The following MAP4 variants were observed in gnomAD, a reference collection of about 807,000 sequenced individuals.
MAP4 encodes microtubule associated protein 4.
A neutral mutation model predicts 170.2 loss-of-function variants in MAP4; 76 were observed. That is an observed-to-expected ratio of 0.45 (90% CI 0.37 to 0.54). The LOEUF (loss-of-function observed/expected upper bound fraction) is 0.54. Among genes scored for constraint, MAP4 ranks in the 20% least tolerant of loss-of-function variants. The pLI, the probability that MAP4 is intolerant of heterozygous loss-of-function variation, is 0.00. For synonymous variants in MAP4, 909 were observed against 994.5 expected, an observed-to-expected ratio of 0.91 and a Z score of 1.62; for missense variants, 2,506 against 2,748.0, an observed-to-expected ratio of 0.91 and a Z score of 1.97.
chr3:48,049,729 G>C (rs1233606013), intron 1 of MAP4, among the ~76,000 whole-genome samples: 1 of 151,966 alleles, frequency 6.6e-6, no homozygotes, highest in Admixed American at 6.6e-5. Context: ...TCAGGAGTTT[G>C]AGACCAGCCT....
At chr3:48,081,121 C>T (rs1164335429) in intron 1 of MAP4, among the ~76,000 whole-genome samples, 1 of 151,752 alleles carries the variant, frequency 6.6e-6, no homozygotes, top group African/African-American at 2.4e-5. Flanking sequence ...GAGACTCCAT[C>T]TCAAAAAACA....
intron 6 of MAP4, among the ~76,000 whole-genome samples, chr3:47,917,661 C>CT (rs1378737364): frequency 1.3e-5 from 2 of 150,952 alleles, no homozygotes; most frequent in Non-Finnish European, 2.9e-5. Flanking sequence ...AGTCTCAACA[C>CT]TTGGAAGAAT....
At position 47,851,288 on chromosome 3, in the gene MAP4, A is replaced by G. The variant is rs1269160013; in HGVS notation, c.*1646T>C. ...GGTGTGTGCTTGGGGAGCTAGGGAC[A>G]TGGTGTCAAACCTCCACAAGGCACT... On this transcript the variant is annotated 3_prime_UTR_variant, in exon 21 of 21. Coordinates refer to ENST00000683076, the MANE Select transcript of MAP4 (RefSeq NM_001385682.1). 2 of 152,236 alleles carry G rather than the reference A, an allele frequency of 1.3e-5. No homozygotes were observed. The highest frequency in any genetic ancestry group is 1.5e-5 in the Non-Finnish European group (1 of 68,062). 9.4% of individuals were successfully genotyped at this position (152,236 alleles called of 1,614,324 possible).
Position 47,910,259 on chromosome 3 carries a change from T to C in MAP4, c.4162A>G (p.Thr1388Ala). ...KHILENKIDA[T>A]KIHVPMETTG... ...GTTTCCATGGGAACATGTATTTTTG[T>C]TGCATCTATCTTATTCTCCAGAATG... is the stretch of plus-strand genomic sequence containing the variant. The change falls in exon 9 of 21, where the codon ACA becomes GCA. Residue 1388 changes from threonine (T) to alanine (A), a missense_variant. Coordinates refer to ENST00000683076, the MANE Select transcript of MAP4 (RefSeq NM_001385682.1). The C allele has an allele frequency of 6.2e-7, 1 of 1,606,158 alleles. No homozygotes were observed. The highest frequency in any genetic ancestry group is 8.5e-7 in the Non-Finnish European group (1 of 1,179,452).
rs556028397 is a variant in MAP4, at chr3:47,857,279, C to G, written c.6583+152G>C. 7.6e-6 allele frequency: 5 copies of G among 654,374 alleles called. No homozygotes were observed. The South Asian group carries it at 9.3e-5, about 12-fold the overall frequency. 40.5% of individuals were successfully genotyped at this position (654,374 alleles called of 1,614,324 possible). A position where few individuals can be genotyped will look rare whatever the true frequency, so the allele number is the denominator to read the frequency against. The stretch of plus-strand genomic sequence containing the variant: ...AGGTTAGCACCCGAACTCCTGCTCC[C>G]TGACAGAATGAGGACTGTGGTGTCC... On this transcript the variant is annotated intron_variant, in intron 18 of 20. Coordinates refer to ENST00000683076, the MANE Select transcript of MAP4 (RefSeq NM_001385682.1).
chr3:48,074,806 G>C (rs1275581446), intron 1 of MAP4, among the ~76,000 whole-genome samples: 3 of 150,438 alleles, frequency 2.0e-5, no homozygotes, highest in Non-Finnish European at 4.4e-5. Context: ...TGGGATTACA[G>C]GTGTCAGCCA....
In MAP4 at chr3:47,909,403, A is replaced by G. The variant is rs1394609375; in HGVS notation, c.5018T>C (p.Ile1673Thr). The change falls in exon 9 of 21, where the codon ATT (isoleucine) becomes ACT (threonine). Residue 1673 changes from isoleucine to threonine, a missense_variant. Ile to Thr is a moderately conservative substitution (Grantham distance 89, BLOSUM62 -1). Coordinates refer to ENST00000683076, the MANE Select transcript of MAP4 (RefSeq NM_001385682.1). ...TTCCGTGATTTTACAAGCCAGACTA[A>G]TTTCTTTCAATTTATCATTTTCACT... ...PKSENDKLKE[I>T]SLACKITELE... 1 of 1,613,496 alleles carries G rather than the reference A, an allele frequency of 6.2e-7. No homozygotes were observed. Among genetic ancestry groups the G allele is most frequent in the Non-Finnish European group, 8.5e-7 (1 of 1,179,630 alleles).
Position 47,956,474 on chromosome 3 carries a change from G to C in MAP4, c.292+21391C>G, listed in dbSNP as rs80184096. On this transcript the variant is annotated intron_variant, in intron 3 of 20. Transcript: ENST00000683076. ...AAATCTTTCCTTCAGAGGGCAGAAC[G>C]TTGAGGGGTACATTTGGTTTTCCCT... Among the ~76,000 whole-genome samples, 649 of 152,364 alleles carry C rather than the reference G, an allele frequency of 4.3e-3. 5 individuals are homozygous for C. Among genetic ancestry groups the C allele is most frequent in the African/African-American group, 0.014 (591 of 41,586 alleles).
chr3:48,026,017 G>A (rs2100112956), intron 1 of MAP4, among the ~76,000 whole-genome samples: 2 of 151,414 alleles, frequency 1.3e-5, no homozygotes, highest in African/African-American at 4.8e-5. Flanking sequence ...TACATCTGAA[G>A]AGAAATTTCT....
chr3:47,970,242 T>C (rs985517768), intron 3 of MAP4, among the ~76,000 whole-genome samples: 1 of 151,844 alleles, frequency 6.6e-6, no homozygotes, highest in South Asian at 2.1e-4. Context: ...TCCCAGCACT[T>C]TGGGAGGCCG....
At chr3:48,085,458 T>C (rs1055459922) in intron 1 of MAP4, among the ~76,000 whole-genome samples, 4 of 152,232 alleles carry the variant, frequency 2.6e-5, no homozygotes, top group Non-Finnish European at 5.9e-5. Context: ...ATAAATGTAT[T>C]TGTAAATTTG....
At chr3:47,974,792 C>T (rs1282530458) in intron 3 of MAP4, 1 of 967,578 alleles carries the variant, frequency 1.0e-6, no homozygotes, top group Non-Finnish European at 1.2e-6. Context: ...GCCCAACTTG[C>T]AAATAATAAA....
At position 47,870,994 on chromosome 3, in the gene MAP4, G is replaced by A; in HGVS notation, c.6113C>T (p.Pro2038Leu). ...AGTTGTGGAGGGCCGGGAGGGCATG[G>A]GTGTGGCCTTGACTCGGCTGGGAAC... is the stretch of plus-strand genomic sequence containing the variant. ...GVVPSRVKATPMPSRPSTTPF... is the reference protein window; with the variant it reads ...GVVPSRVKATLMPSRPSTTPF... The change falls in exon 15 of 21, where the codon CCC (proline) becomes CTC (leucine). Residue 2038 changes from proline to leucine, a missense_variant. Physicochemically the swap from Pro to Leu is moderately conservative, Grantham distance 98 (BLOSUM62 -3). Coordinates refer to ENST00000683076, the MANE Select transcript of MAP4 (RefSeq NM_001385682.1). The A allele has an allele frequency of 6.2e-7, 1 of 1,614,182 alleles. No individual in the cohort carries two copies. Among genetic ancestry groups the A allele is most frequent in the Non-Finnish European group, 8.5e-7 (1 of 1,180,006 alleles).
At chr3:47,974,775 A>C (rs1204815766) in intron 3 of MAP4, 1 of 976,260 alleles carries the variant, frequency 1.0e-6, no homozygotes, top group South Asian at 4.7e-5. Context: ...AAAAAAAAAA[A>C]AATTTGGCCC....
At chr3:47,891,806 C>T in intron 10 of MAP4, 2 of 1,536,364 alleles carry the variant, frequency 1.3e-6, no homozygotes, top group East Asian at 2.4e-5. Context: ...TGGGGACTCA[C>T]ACTTCAGCTG....
intron 1 of MAP4, among the ~76,000 whole-genome samples, chr3:48,011,456 G>A (rs1019178315): frequency 6.6e-6 from 1 of 151,998 alleles, no homozygotes; most frequent in Non-Finnish European, 1.5e-5. Context: ...AGGAGGCTGA[G>A]GCAGGAAAAT....
At chr3:48,002,486 C>T (rs1479242638) in intron 1 of MAP4, among the ~76,000 whole-genome samples, 2 of 151,836 alleles carry the variant, frequency 1.3e-5, no homozygotes, top group Admixed American at 1.3e-4. Flanking sequence ...CGCTTGAACC[C>T]GGGAGTTTAA....
At chr3:48,055,175 A>AGTTCCGTCTCCGTCTCC (rs1553744146) in intron 1 of MAP4, among the ~76,000 whole-genome samples, 1 of 139,054 alleles carries the variant, frequency 7.2e-6, no homozygotes, top group African/African-American at 2.8e-5. Flanking sequence ...TTCTTTAAAA[A>AGTTCCGTCTCCGTCTCC]GTCTCCCTCT....
Position 47,912,105 on chromosome 3 carries a change from C to A in MAP4, c.2316G>T (p.Lys772Asn). The A allele has an allele frequency of 6.5e-7, 1 of 1,536,170 alleles. No homozygotes were observed. Among genetic ancestry groups the A allele is most frequent in the Non-Finnish European group, 8.7e-7 (1 of 1,146,906 alleles). The change falls in exon 9 of 21, where the codon AAG becomes AAT. Residue 772 changes from lysine (K) to asparagine (N), a missense_variant. Lys to Asn is a moderately conservative substitution (Grantham distance 94, BLOSUM62 0). Transcript: ENST00000683076. The stretch of plus-strand genomic sequence containing the variant: ...AATATCTCTTTTGCTTTGGTTTCTT[C>A]TTCTTTTTCTTCATCATTATTGGTG... ...ESTPIMMKKKKKKPKQKRYSQ... is the reference protein window; with the variant it reads ...ESTPIMMKKKNKKPKQKRYSQ...
Sources: gnomAD v4.1 joint callset for allele counts (sites outside exome capture counted in the v4.1 genomes callset) on GRCh38, gnomAD v4.1.1 for gene constraint, MANE v1.5 for transcripts, NCBI Gene and HGNC (gene_info 2026-07-23, HGNC 2026-07-21) for gene names.